The following GLRA3 variants were observed in gnomAD, a reference collection of about 807,000 sequenced individuals.
GLRA3 encodes glycine receptor subunit alpha-3.
Under a neutral mutation model 60.4 loss-of-function variants are expected in GLRA3, and 44 were observed. That is an observed-to-expected ratio of 0.73 (90% CI 0.57 to 0.94). The LOEUF is 0.94. Among genes scored for constraint, GLRA3 ranks in the 40% least tolerant of loss-of-function variants. The probability of loss-of-function intolerance (pLI) is 0.00; values close to 1 mark genes in which losing one functional copy is unlikely to be tolerated. For missense variants in GLRA3, 508 were observed against 564.6 expected, an observed-to-expected ratio of 0.90 and a Z score of 1.02; for synonymous variants, 223 against 192.9, an observed-to-expected ratio of 1.16 and a Z score of -1.29.
intron 6 of GLRA3, among the ~76,000 whole-genome samples, chr4:174,680,460 G>A (rs1408227405): frequency 1.3e-5 from 2 of 152,170 alleles, no homozygotes; most frequent in South Asian, 2.1e-4. Flanking sequence ...AACACATATT[G>A]TTACATATGG....
intron 9 of GLRA3, among the ~76,000 whole-genome samples, chr4:174,644,811 T>A (rs1169474886): frequency 6.6e-6 from 1 of 151,934 alleles, no homozygotes; most frequent in African/African-American, 2.4e-5. Flanking sequence ...TGTGGCAAAC[T>A]GAAGAGAATT....
intron 5 of GLRA3, among the ~76,000 whole-genome samples, chr4:174,703,433 A>C (rs1392925012): frequency 2.6e-5 from 4 of 152,152 alleles, no homozygotes; most frequent in Non-Finnish European, 5.9e-5. Flanking sequence ...CTTTTCAAAA[A>C]ATAGATTATT....
At chr4:174,813,552 C>T (rs1740356427) in intron 1 of GLRA3, among the ~76,000 whole-genome samples, 1 of 152,184 alleles carries the variant, frequency 6.6e-6, no homozygotes, top group Non-Finnish European at 1.5e-5. Context: ...CTACACTGGT[C>T]TGTTTCATTG....
At chr4:174,759,355 T>A (rs1579562599) in intron 3 of GLRA3, among the ~76,000 whole-genome samples, 2 of 152,088 alleles carry the variant, frequency 1.3e-5, no homozygotes, top group East Asian at 3.8e-4. Context: ...TTTAAAAGCC[T>A]ATTTTAATAA....
Position 174,728,461 on chromosome 4 carries a change from A to G in GLRA3, c.491+14T>C. ...CTATTTCACTGAAATCGGCAATTTA[A>G]GTCCACGACTCACCTTATTGAATAA... On this transcript the variant is annotated intron_variant, in intron 4 of 9. Transcript: ENST00000274093. 7.2e-7 allele frequency: 1 copy of G among 1,380,754 alleles called. No homozygotes were observed. Among genetic ancestry groups the G allele is most frequent in the Non-Finnish European group, 1.0e-6 (1 of 976,104 alleles). 85.5% of individuals were successfully genotyped at this position (1,380,754 alleles called of 1,614,324 possible).
At chr4:174,816,045 A>G (rs2111383039) in intron 1 of GLRA3, among the ~76,000 whole-genome samples, 1 of 152,296 alleles carries the variant, frequency 6.6e-6, no homozygotes, top group South Asian at 2.1e-4. Context: ...TTGGGTAGGG[A>G]CACAGCCAAA....
intron 1 of GLRA3, among the ~76,000 whole-genome samples, chr4:174,818,547 A>G (rs35783020): frequency 0.13 from 19,644 of 152,182 alleles, 1,323 homozygotes; most frequent in Non-Finnish European, 0.14. Flanking sequence ...AGCAGAGTCA[A>G]TGACTTTGAT....
chr4:174,693,979 C>T (rs926524654), intron 5 of GLRA3, among the ~76,000 whole-genome samples: 6 of 152,006 alleles, frequency 3.9e-5, no homozygotes, highest in Non-Finnish European at 8.8e-5. Context: ...AAAGATAAAA[C>T]ATGACAAAGA....
Position 174,798,780 on chromosome 4 carries a change from T to C in GLRA3, c.72-9837A>G, listed in dbSNP as rs555941308. 2.0e-4 allele frequency among the ~76,000 whole-genome samples: 30 copies of C among 152,138 alleles called. 1 individual carries two copies. In the South Asian group the frequency reaches 3.5e-3, roughly 18 times the overall value. ...TCTACTAAAAATACAAAAAATTAGC[T>C]GGGTGTGGTGGTGAGCGCCTGTAGT... On this transcript the variant is annotated intron_variant, in intron 1 of 9. Transcript: ENST00000274093.
intron 1 of GLRA3, among the ~76,000 whole-genome samples, chr4:174,793,252 A>G (rs1378178128): frequency 6.6e-6 from 1 of 151,810 alleles, no homozygotes; most frequent in Non-Finnish European, 1.5e-5. Flanking sequence ...GTTTTACTAT[A>G]TCTTTGCTTT....
rs529378325 is a variant in GLRA3, at chr4:174,710,893, T to C, written c.574+4595A>G. The stretch of plus-strand genomic sequence containing the variant: ...GATTCTTTGGACACTCTATTGTGTC[T>C]TTTTGGTCTTTTTGAATAGAATGCT... On this transcript the variant is annotated intron_variant, in intron 5 of 9. Transcript: ENST00000274093. 9.2e-5 allele frequency among the ~76,000 whole-genome samples: 14 copies of C among 152,220 alleles called. 1 individual carries two copies. The South Asian group carries it at 1.9e-3, about 20-fold the overall frequency.
intron 1 of GLRA3, among the ~76,000 whole-genome samples, chr4:174,790,825 CAAAAAAAAAAA>C (rs751090125): frequency 3.1e-5 from 2 of 65,124 alleles, no homozygotes; most frequent in Non-Finnish European, 5.2e-5. Flanking sequence ...CTAAAAAATA[CAAAAAAAAAAA>C]AAAAAAAAAA....
chr4:174,742,740 C>T (rs540349203), intron 3 of GLRA3, among the ~76,000 whole-genome samples: 55 of 152,270 alleles, frequency 3.6e-4, no homozygotes, highest in African/African-American at 1.3e-3. Flanking sequence ...GCTTCATCAC[C>T]TTTCCCAGAA....
chr4:174,719,015 T>G (rs1233070166), intron 4 of GLRA3, among the ~76,000 whole-genome samples: 1 of 128,980 alleles, frequency 7.8e-6, no homozygotes, highest in Non-Finnish European at 1.5e-5. Context: ...CAGGCTGGAG[T>G]GCAGTGGCGC....
At chr4:174,715,435 T>C in intron 5 of GLRA3, 53 bp downstream of exon 5, 1 of 845,164 alleles carries the variant, frequency 1.2e-6, no homozygotes, top group Non-Finnish European at 2.0e-6. Context: ...CATTAAAAGC[T>C]TGTATCTACT....
chr4:174,659,677 A>T (rs1733361379), intron 7 of GLRA3, among the ~76,000 whole-genome samples: 1 of 152,158 alleles, frequency 6.6e-6, no homozygotes, highest in Non-Finnish European at 1.5e-5. Context: ...ATGTTATAAG[A>T]ATAGTGCAAA....
intron 4 of GLRA3, among the ~76,000 whole-genome samples, chr4:174,725,577 C>G (rs1736292521): frequency 6.6e-6 from 1 of 152,084 alleles, no homozygotes; most frequent in African/African-American, 2.4e-5. Flanking sequence ...GCCTCTTAGG[C>G]TCAAGAGATC....
At chr4:174,768,309 G>C (rs1192889917) in intron 2 of GLRA3, among the ~76,000 whole-genome samples, 1 of 152,074 alleles carries the variant, frequency 6.6e-6, no homozygotes, top group Non-Finnish European at 1.5e-5. Context: ...ACACTCTTCA[G>C]GTTGTTGTAA....
At chr4:174,750,155 A>AT (rs1020883526) in intron 3 of GLRA3, among the ~76,000 whole-genome samples, 22 of 152,094 alleles carry the variant, frequency 1.4e-4, no homozygotes, top group African/African-American at 4.6e-4. Flanking sequence ...AGATTTTACC[A>AT]TTTTTTGTGC....
Sources: allele counts gnomAD v4.1 joint callset (sites outside exome capture counted in the v4.1 genomes callset), GRCh38; gene constraint gnomAD v4.1.1; transcripts MANE v1.5; gene names NCBI Gene and HGNC (gene_info 2026-07-23, HGNC 2026-07-21).